MYOCD: variants seen among roughly 807,000 people sequenced by gnomAD.
MYOCD encodes the protein myocardin.
MYOCD carries 32 observed loss-of-function variants against 96.1 expected under a neutral mutation model. The observed-to-expected ratio is 0.33, with a 90% CI of 0.25 to 0.45. MYOCD has a LOEUF of 0.45. Ranked by LOEUF, MYOCD falls within the 20% of genes least tolerant of loss-of-function variation. The pLI is 1.00. For missense variants in MYOCD, 1,133 were observed against 1,200.6 expected (o/e 0.94, Z 0.83); for synonymous variants, 469 against 469.0 (o/e 1.00, Z 0.00).
At chr17:12,681,621 G>T (rs1408078303) in intron 1 of MYOCD, among the ~76,000 whole-genome samples, 1 of 152,186 alleles carries the variant, frequency 6.6e-6, no homozygotes, top group African/African-American at 2.4e-5. Context: ...ATGCTGGCCT[G>T]AATTCATATC....
chr17:12,666,032 G>A lies in MYOCD; in HGVS notation c.-157G>A. 1.8e-6 allele frequency: 1 copy of A among 567,074 alleles called. No homozygotes were observed. Among genetic ancestry groups the A allele is most frequent in the Non-Finnish European group, 3.1e-6 (1 of 317,802 alleles). The allele number at this position is 567,074 out of a possible 1,614,324, so 35.1% of individuals were successfully genotyped here. A position where few individuals can be genotyped will look rare whatever the true frequency, so the allele number is the denominator to read the frequency against. ...AGGGGGGAGGCGCCAGTTTTCTGGGGACACTGGCTGCCACTGTACTCCTAC... is the reference window on the plus strand; with the variant it reads ...AGGGGGGAGGCGCCAGTTTTCTGGGAACACTGGCTGCCACTGTACTCCTAC... On this transcript the variant is annotated 5_prime_UTR_variant, in exon 1 of 14. Coordinates refer to ENST00000425538, the MANE Select transcript of MYOCD (RefSeq NM_001146312.3).
chr17:12,706,903 C>A (rs1208943611), intron 2 of MYOCD, among the ~76,000 whole-genome samples: 1 of 152,144 alleles, frequency 6.6e-6, no homozygotes, highest in Non-Finnish European at 1.5e-5. Flanking sequence ...TCCTACAAAT[C>A]ATGAAATAAT....
chr17:12,666,972 C>G (rs541955576), intron 1 of MYOCD, among the ~76,000 whole-genome samples: 1 of 152,236 alleles, frequency 6.6e-6, no homozygotes, highest in South Asian at 2.1e-4. Context: ...GTGTGGGTCT[C>G]CACGTTTAGA....
At chr17:12,750,878 A>AT in intron 9 of MYOCD, among the ~76,000 whole-genome samples, 1 of 152,308 alleles carries the variant, frequency 6.6e-6, no homozygotes. Context: ...TGGATCATAT[A>AT]TCCCTTGCTC....
chr17:12,723,110 C>T, intron 5 of MYOCD, 102 bp downstream of exon 5: 1 of 1,112,172 alleles, frequency 9.0e-7, no homozygotes, highest in Non-Finnish European at 1.3e-6. Flanking sequence ...GGCCTCTCAC[C>T]AGATAAGAGC....
chr17:12,735,375 G>A (rs964741093), intron 5 of MYOCD, among the ~76,000 whole-genome samples: 7 of 152,056 alleles, frequency 4.6e-5, no homozygotes. Flanking sequence ...CATCTGGTGT[G>A]ATAACCCCTC....
intron 8 of MYOCD, among the ~76,000 whole-genome samples, chr17:12,745,564 T>A (rs923093460): frequency 6.6e-6 from 1 of 152,108 alleles, no homozygotes; most frequent in Non-Finnish European, 1.5e-5. Context: ...TGTAGATTCC[T>A]CCTGTGTCAT....
At chr17:12,712,963 T>C (rs908691179) in intron 2 of MYOCD, among the ~76,000 whole-genome samples, 11 of 152,096 alleles carry the variant, frequency 7.2e-5, no homozygotes, top group African/African-American at 2.7e-4. Flanking sequence ...TTGGCCTTCA[T>C]GGGAGGTGGC....
intron 7 of MYOCD, among the ~76,000 whole-genome samples, chr17:12,740,544 A>G (rs547189755): frequency 1.3e-5 from 2 of 152,242 alleles, no homozygotes; most frequent in African/African-American, 2.4e-5. Context: ...TTGTATATGT[A>G]CCACATTTTC....
At chr17:12,672,296 G>A (rs1251185424) in intron 1 of MYOCD, 1 of 152,218 alleles carries the variant, frequency 6.6e-6, no homozygotes, top group Non-Finnish European at 1.5e-5. Flanking sequence ...GCGTGGAGTA[G>A]TTAAAAGTTT....
chr17:12,750,151 A>G (rs1597806739), intron 9 of MYOCD, among the ~76,000 whole-genome samples: 1 of 152,050 alleles, frequency 6.6e-6, no homozygotes, highest in African/African-American at 2.4e-5. Context: ...TTTTTGATAC[A>G]TATTAAAATT....
intron 7 of MYOCD, among the ~76,000 whole-genome samples, chr17:12,739,958 C>T (rs903296133): frequency 6.6e-6 from 1 of 151,684 alleles, no homozygotes; most frequent in African/African-American, 2.4e-5. Context: ...TTTTTTGAGA[C>T]AGAGTCTCTC....
intron 11 of MYOCD, among the ~76,000 whole-genome samples, chr17:12,756,880 A>G (rs1178207071): frequency 1.3e-5 from 2 of 152,146 alleles, no homozygotes; most frequent in East Asian, 1.9e-4. Context: ...AGTAAATTTC[A>G]TTCTAGAGAG....
intron 1 of MYOCD, among the ~76,000 whole-genome samples, chr17:12,688,391 A>G (rs1235088278): frequency 6.6e-6 from 1 of 152,236 alleles, no homozygotes; most frequent in Non-Finnish European, 1.5e-5. Context: ...TGAAATTCTT[A>G]CAGCAAATCG....
intron 1 of MYOCD, among the ~76,000 whole-genome samples, chr17:12,688,572 A>C (rs1248022597): frequency 1.8e-4 from 16 of 88,118 alleles, no homozygotes; most frequent in Admixed American, 4.5e-4. Flanking sequence ...CCTTCCTTCC[A>C]TCTCCGTCCC....
Position 12,752,901 on chromosome 17 carries a change from A to T in MYOCD, c.1613A>T (p.Glu538Val). 6.2e-7 allele frequency: 1 copy of T among 1,614,118 alleles called. No homozygotes were observed. The change falls in exon 10 of 14, where the codon GAG (glutamate) becomes GTG (valine). Residue 538 changes from glutamate (E) to valine (V), a missense_variant. Coordinates refer to ENST00000425538, the MANE Select transcript of MYOCD (RefSeq NM_001146312.3). The part of the protein sequence containing the change: ...INELTWKLQQ[E>V]QRQVEELRMQ... Reference sequence around the variant, plus strand: ...GAACTCACCTGGAAACTCCAGCAAGAGCAGAGGCAGGTGGAGGAGCTGAGG... The same window carrying T: ...GAACTCACCTGGAAACTCCAGCAAGTGCAGAGGCAGGTGGAGGAGCTGAGG...
intron 9 of MYOCD, among the ~76,000 whole-genome samples, chr17:12,749,657 A>C (rs896506644): frequency 1.4e-5 from 2 of 147,606 alleles, no homozygotes; most frequent in African/African-American, 5.0e-5. Context: ...ACACACGTAT[A>C]TATACACATA....
At chr17:12,758,236 A>G in intron 12 of MYOCD, 23 bp downstream of exon 12, 1 of 1,614,030 alleles carries the variant, frequency 6.2e-7, no homozygotes. Flanking sequence ...TTTGTTCTTT[A>G]TGGAAGAATA....
At chr17:12,708,370 T>G (rs550485846) in intron 2 of MYOCD, among the ~76,000 whole-genome samples, 13 of 152,252 alleles carry the variant, frequency 8.5e-5, no homozygotes, top group African/African-American at 2.9e-4. Flanking sequence ...CCAAGTGAAC[T>G]GTTAATTGTC....
Sources: gnomAD v4.1 joint callset for allele counts (sites outside exome capture counted in the v4.1 genomes callset) on GRCh38, gnomAD v4.1.1 for gene constraint, MANE v1.5 for transcripts, NCBI Gene and HGNC (gene_info 2026-07-23, HGNC 2026-07-21) for gene names.